Variants in ZNF469 observed in about 807,000 individuals in gnomAD.
ZNF469 encodes the protein zinc finger protein 469.
ZNF469 carries 1 observed loss-of-function variant against 1.0 expected under a neutral mutation model. The ratio of observed to expected loss-of-function variants is 1.00; its 90% CI spans 0.35 to 4.73. ZNF469 has a LOEUF of 4.73. Among genes scored for constraint, ZNF469 ranks in the 30% most tolerant of loss-of-function variants. The pLI, the probability that ZNF469 is intolerant of heterozygous loss-of-function variation, is 0.16. For synonymous variants in ZNF469, 2,703 were observed against 2,363.4 expected, an observed-to-expected ratio of 1.14 and a Z score of -4.17; for missense variants, 6,100 against 5,356.3, an observed-to-expected ratio of 1.14 and a Z score of -4.33.
chr16:88,348,590 A>C, the ZNF469 span, among the ~76,000 whole-genome samples: 1 of 152,170 alleles, frequency 6.6e-6, no homozygotes, highest in Non-Finnish European at 1.5e-5. Context: ...GTGGGGGTCC[A>C]ACAGTGTCCC....
chr16:88,108,241 G>T, the ZNF469 span, among the ~76,000 whole-genome samples: 1 of 147,524 alleles, frequency 6.8e-6, no homozygotes, highest in African/African-American at 2.6e-5. Flanking sequence ...ATGCGGGGAG[G>T]GGGGTCCATG....
At chr16:88,386,731 C>T (rs2092537494) in intron 1 of ZNF469, among the ~76,000 whole-genome samples, 1 of 152,210 alleles carries the variant, frequency 6.6e-6, no homozygotes, top group Non-Finnish European at 1.5e-5. Flanking sequence ...CCAGGCCTCT[C>T]AACTGAACCC....
At chr16:88,133,802 C>T in the ZNF469 span, among the ~76,000 whole-genome samples, 2 of 152,096 alleles carry the variant, frequency 1.3e-5, no homozygotes, top group African/African-American at 2.4e-5. Context: ...TGCATAAAAA[C>T]GGAAACATCA....
chr16:88,189,383 G>A, the ZNF469 span, among the ~76,000 whole-genome samples: 2 of 152,158 alleles, frequency 1.3e-5, no homozygotes, highest in African/African-American at 4.8e-5. This position sits in a 1 kb window ranked among gnomAD's most constrained non-coding sequence, Gnocchi z 4.3. Context: ...GGATGTGATG[G>A]TTCTTCCCAG....
At chr16:88,136,590 TA>T in the ZNF469 span, among the ~76,000 whole-genome samples, 1 of 152,242 alleles carries the variant, frequency 6.6e-6, no homozygotes, top group African/African-American at 2.4e-5. Context: ...CTAGCAGATG[TA>T]GCGTGGGCCC....
At chr16:88,129,058 C>T in the ZNF469 span, among the ~76,000 whole-genome samples, 12 of 152,342 alleles carry the variant, frequency 7.9e-5, no homozygotes, top group South Asian at 4.1e-4. Context: ...GAGAAGAATA[C>T]GTAAAATGAG....
chr16:88,104,092 G>A, the ZNF469 span, among the ~76,000 whole-genome samples: 5 of 151,830 alleles, frequency 3.3e-5, no homozygotes, highest in African/African-American at 4.8e-5. Flanking sequence ...ACACAGCCCC[G>A]CAAGGCAAAC....
the ZNF469 span, among the ~76,000 whole-genome samples, chr16:88,195,720 G>A: frequency 2.0e-5 from 3 of 152,218 alleles, no homozygotes; most frequent in Admixed American, 1.3e-4. Context: ...GAGACCTCGG[G>A]GTGTCCCGAG....
At chr16:88,171,708 G>A in the ZNF469 span, among the ~76,000 whole-genome samples, 106 of 152,268 alleles carry the variant, frequency 7.0e-4, no homozygotes, top group African/African-American at 2.2e-3. Context: ...CCATCGCTGC[G>A]TTACCCTGGG....
At chr16:88,278,554 T>C in the ZNF469 span, among the ~76,000 whole-genome samples, 1 of 101,072 alleles carries the variant, frequency 9.9e-6, no homozygotes, top group African/African-American at 3.5e-5. Context: ...TGCACCACAC[T>C]GACGCTTGGT....
upstream of ZNF469, among the ~76,000 whole-genome samples, chr16:88,380,166 CATGCACTCACACACAA>C (rs1307409653): frequency 1.9e-4 from 28 of 146,802 alleles, no homozygotes; most frequent in Admixed American, 1.4e-3. Flanking sequence ...CACTCACAGA[CATGCACTCACACACAA>C]ATGCACTCAC....
At chr16:88,356,919 G>A in the ZNF469 span, among the ~76,000 whole-genome samples, 1 of 152,250 alleles carries the variant, frequency 6.6e-6, no homozygotes, top group African/African-American at 2.4e-5. Flanking sequence ...GGGTTAGGCA[G>A]TAACAGAGAA....
At chr16:88,302,400 G>T in the ZNF469 span, 1 of 152,176 alleles carries the variant, frequency 6.6e-6, no homozygotes, top group Non-Finnish European at 1.5e-5. Flanking sequence ...GGTGCTCTGT[G>T]TGTCTTAAAA....
chr16:88,436,412 A>G lies in ZNF469; in HGVS notation c.8942A>G (p.Asp2981Gly), dbSNP rs1404611886. Residue 2981 changes from aspartate to glycine, a missense_variant, in exon 3 of 3, where the codon GAC (aspartate) becomes GGC (glycine). Physicochemically the swap from Asp to Gly is moderately conservative, Grantham distance 94. Transcript: ENST00000565624. Reference protein sequence around the residue: ...AEKLPSHCPEDDRPEAIPELH... With the variant: ...AEKLPSHCPEGDRPEAIPELH... ...AAGCTGCCCTCCCACTGCCCCGAGG[A>G]CGATCGGCCGGAGGCCATTCCTGAG... 1 of 1,549,312 alleles carries G rather than the reference A, an allele frequency of 6.5e-7. No individual in the cohort carries two copies. Among genetic ancestry groups the G allele is most frequent in the East Asian group, 2.4e-5 (1 of 40,902 alleles).
At chr16:88,129,418 G>A in the ZNF469 span, among the ~76,000 whole-genome samples, 3 of 137,244 alleles carry the variant, frequency 2.2e-5, no homozygotes, top group South Asian at 4.8e-4. Flanking sequence ...CTCTGCTTCC[G>A]TACTTTGCAC....
At chr16:88,232,750 C>T in the ZNF469 span, among the ~76,000 whole-genome samples, 7 of 152,228 alleles carry the variant, frequency 4.6e-5, no homozygotes, top group Admixed American at 3.3e-4. Context: ...GTCTGTTTGG[C>T]AGCATTGCCC....
the ZNF469 span, among the ~76,000 whole-genome samples, chr16:88,101,915 C>T: frequency 6.6e-6 from 1 of 152,112 alleles, no homozygotes; most frequent in Non-Finnish European, 1.5e-5. Flanking sequence ...AGGTCGGCCG[C>T]GGGTGCGTCT....
chr16:88,412,251 C>A (rs1399244796), intron 1 of ZNF469, among the ~76,000 whole-genome samples: 1 of 152,240 alleles, frequency 6.6e-6, no homozygotes, highest in Non-Finnish European at 1.5e-5. Flanking sequence ...CCCACTTGGC[C>A]ATGCAGGCCT....
At position 88,438,353 on chromosome 16, in the gene ZNF469, G is replaced by T. The variant is rs1213308885; in HGVS notation, c.10883G>T (p.Gly3628Val). ...LVFSGKRRAP[G>V]ARGRCAPDHF... ...TTCTCAGGGAAACGCAGGGCCCCGG[G>T]TGCCCGTGGCAGGTGTGCCCCTGAC... The change falls in exon 3 of 3, where the codon GGT (glycine) becomes GTT (valine). Residue 3628 changes from glycine (G) to valine (V), a missense_variant. Transcript: ENST00000565624. The T allele has an allele frequency of 6.5e-7, 1 of 1,550,226 alleles. No individual in the cohort carries two copies. Among genetic ancestry groups the T allele is most frequent in the Non-Finnish European group, 8.7e-7 (1 of 1,146,944 alleles).
Sources: allele counts gnomAD v4.1 joint callset (sites outside exome capture counted in the v4.1 genomes callset), GRCh38; gene constraint gnomAD v4.1.1; non-coding constraint Gnocchi (gnomAD v3.1); transcripts MANE v1.5; gene names NCBI Gene and HGNC (gene_info 2026-07-23, HGNC 2026-07-21).